SACS: variants seen among roughly 807,000 people sequenced by gnomAD.
SACS encodes the protein sacsin molecular chaperone.
A neutral mutation model predicts 348.0 loss-of-function variants in SACS; 197 were observed. The observed-to-expected ratio is 0.57, with a 90% CI of 0.50 to 0.64. SACS has a LOEUF of 0.64. Among genes scored for constraint, SACS ranks in the 30% least tolerant of loss-of-function variants. The probability of loss-of-function intolerance (pLI) is 0.00; values close to 1 mark genes in which losing one functional copy is unlikely to be tolerated. For synonymous variants in SACS, 1,985 were observed against 1,910.6 expected, an observed-to-expected ratio of 1.04 and a Z score of -1.02; for missense variants, 4,999 against 5,360.8, an observed-to-expected ratio of 0.93 and a Z score of 2.11.
At chr13:23,380,805 G>A (rs774865792) in intron 2 of SACS, among the ~76,000 whole-genome samples, 12 of 152,128 alleles carry the variant, frequency 7.9e-5, no homozygotes, top group South Asian at 2.1e-4. Flanking sequence ...AGTTATTGAC[G>A]TAACAGAGAG....
At chr13:23,383,915 C>T (rs1410004815) in intron 2 of SACS, among the ~76,000 whole-genome samples, 1 of 152,164 alleles carries the variant, frequency 6.6e-6, no homozygotes, top group Non-Finnish European at 1.5e-5. Context: ...CAGTGCCTGG[C>T]ACAGAACCCA....
At chr13:23,361,278 T>A (rs978813620) in intron 6 of SACS, among the ~76,000 whole-genome samples, 1 of 152,164 alleles carries the variant, frequency 6.6e-6, no homozygotes, top group African/African-American at 2.4e-5. Flanking sequence ...AGAATCTAGT[T>A]ATCATTTAAT....
intron 1 of SACS, among the ~76,000 whole-genome samples, chr13:23,433,404 C>G (rs78802149): frequency 0.022 from 3,352 of 152,282 alleles, 55 homozygotes; most frequent in Non-Finnish European, 0.031. Context: ...AGCTGTACAG[C>G]ACGCTGAAGG....
At chr13:23,422,803 G>A (rs567076325) in intron 1 of SACS, among the ~76,000 whole-genome samples, 1 of 152,232 alleles carries the variant, frequency 6.6e-6, no homozygotes, top group African/African-American at 2.4e-5. Flanking sequence ...ATAACTGAAA[G>A]AAACCTGTGT....
intron 1 of SACS, among the ~76,000 whole-genome samples, chr13:23,430,959 T>C (rs1874411983): frequency 6.6e-6 from 1 of 152,088 alleles, no homozygotes; most frequent in Non-Finnish European, 1.5e-5. Context: ...GAGCTCAGAG[T>C]TCAGTCTGAG....
Position 23,332,542 on chromosome 13 carries a change from T to G in SACS, c.11334A>C (p.Glu3778Asp). Residue 3778 changes from glutamate (E) to aspartate (D), a missense_variant, in exon 10 of 10, where the codon GAA (glutamate) becomes GAC (aspartate). By Grantham distance (45) the Glu-to-Asp change is conservative (BLOSUM62 2). Transcript: ENST00000382292. ...TRAKVLRSIYEFLSAEKREFR... is the reference protein window; with the variant it reads ...TRAKVLRSIYDFLSAEKREFR... ...ATTCCCTTTTTTCTGCACTGAGGAA[T>G]TCATATATGCTCCTTAAGACTTTTG... 1.9e-6 allele frequency: 3 copies of G among 1,613,978 alleles called. No homozygotes were observed. The highest frequency in any genetic ancestry group is 2.5e-6 in the Non-Finnish European group (3 of 1,179,916).
At position 23,339,898 on chromosome 13, in the gene SACS, C is replaced by T; in HGVS notation, c.3978G>A (p.Glu1326=). Residue 1326 remains glutamate (E), a synonymous_variant, in exon 10 of 10, where the codon GAG becomes GAA. Transcript: ENST00000382292. ...CCATGGAAATATGATCTGATGTCAA[C>T]TCCTCTATTGAACCACAGACCTTAA... ...QLFKVCGSIE[E]LTSDHISMVI... 6.2e-7 allele frequency: 1 copy of T among 1,614,026 alleles called. No homozygotes were observed. Among genetic ancestry groups the T allele is most frequent in the Non-Finnish European group, 8.5e-7 (1 of 1,179,964 alleles).
At chr13:23,369,133 T>C (rs756313964) in intron 4 of SACS, among the ~76,000 whole-genome samples, 2 of 152,242 alleles carry the variant, frequency 1.3e-5, no homozygotes, top group Non-Finnish European at 2.9e-5. Flanking sequence ...AAATAAATGA[T>C]GTTATTTTGT....
chr13:23,332,827 A>G lies in SACS; in HGVS notation c.11049T>C (p.Asn3683=), dbSNP rs773770705. Residue 3683 remains asparagine, a synonymous_variant, in exon 10 of 10, where the codon AAT becomes AAC. Coordinates refer to ENST00000382292, the MANE Select transcript of SACS (RefSeq NM_014363.6). ...VNGTLPLIKF[N]GAQVNPKFKQ... is the part of the protein sequence containing the mutation. ...TGAATTTTGGATTTACCTGTGCTCC[A>G]TTGAACTTTATAAGAGGAAGTGTTC... 3.3e-5 allele frequency: 54 copies of G among 1,613,848 alleles called. 2 individuals are homozygous for G. In the South Asian group the frequency reaches 5.4e-4, roughly 16 times the overall value.
chr13:23,389,705 T>C (rs1391055521), intron 2 of SACS, among the ~76,000 whole-genome samples: 2 of 152,226 alleles, frequency 1.3e-5, no homozygotes, highest in Non-Finnish European at 2.9e-5. Context: ...GAAGGACACA[T>C]TTGCTTCCAT....
intron 2 of SACS, among the ~76,000 whole-genome samples, chr13:23,405,082 A>G (rs1873147613): frequency 6.6e-6 from 1 of 152,192 alleles, no homozygotes; most frequent in Admixed American, 6.5e-5. Flanking sequence ...ATGGAACCAA[A>G]AAAGAGCCCG....
intron 2 of SACS, among the ~76,000 whole-genome samples, chr13:23,405,288 C>G (rs1466591276): frequency 6.6e-6 from 1 of 152,120 alleles, no homozygotes; most frequent in Non-Finnish European, 1.5e-5. Flanking sequence ...TTTGACAAAT[C>G]TGACAAAAAC....
Position 23,340,972 on chromosome 13 carries a change from GTC to G in SACS, c.2902_2903del (p.Asp968GlnfsTer2). The G allele has an allele frequency of 1.2e-6, 2 of 1,613,922 alleles. No individual in the cohort carries two copies. Among genetic ancestry groups the G allele is most frequent in the Non-Finnish European group, 1.7e-6 (2 of 1,179,858 alleles). The part of the protein sequence containing the change: ...ADLRLSISVI[D>X]SSDEATIRLA... The stretch of plus-strand genomic sequence containing the variant: ...GACGAATAGTAGCTTCATCACTACT[GTC>G]TATTACTGAAATAGAAAGTCGCAGA... On this transcript the variant is annotated frameshift_variant, in exon 10 of 10. Coordinates refer to ENST00000382292, the MANE Select transcript of SACS (RefSeq NM_014363.6). LOFTEE classifies it high-confidence loss of function.
intron 2 of SACS, among the ~76,000 whole-genome samples, chr13:23,388,117 CG>C (rs1872370373): frequency 6.6e-6 from 1 of 152,080 alleles, no homozygotes; most frequent in African/African-American, 2.4e-5. Flanking sequence ...AAAGAAGAGA[CG>C]TCATTATATC....
chr13:23,387,048 ATAT>A (rs1872316769), intron 2 of SACS, among the ~76,000 whole-genome samples: 1 of 152,208 alleles, frequency 6.6e-6, no homozygotes, highest in Non-Finnish European at 1.5e-5. Flanking sequence ...AATGTTTAAA[ATAT>A]TATGAGAATT....
In SACS at chr13:23,330,330, G is replaced by A. The variant is rs1883384861; in HGVS notation, c.13546C>T (p.Leu4516Phe). The A allele has an allele frequency of 6.2e-7, 1 of 1,614,030 alleles. No individual in the cohort carries two copies. The highest frequency in any genetic ancestry group is 1.7e-5 in the Admixed American group (1 of 60,012). ...AQKIEEYSQQ[L>F]EGLTNDVHTL... is the part of the protein sequence containing the mutation. The stretch of plus-strand genomic sequence containing the variant: ...TGAACATCATTTGTCAGTCCTTCAA[G>A]TTGCTGACTATATTCCTCTATTTTC... The change falls in exon 10 of 10, where the codon CTT becomes TTT. Residue 4516 changes from leucine (L) to phenylalanine (F), a missense_variant. Transcript: ENST00000382292.
intron 6 of SACS, among the ~76,000 whole-genome samples, chr13:23,359,402 TGTAA>T (rs199994598): frequency 0.052 from 7,939 of 152,166 alleles, 270 homozygotes; most frequent in Non-Finnish European, 0.075. Flanking sequence ...ATAATCACCT[TGTAA>T]GTGTTTGAAG....
At chr13:23,357,816 T>C (rs759928394) in intron 7 of SACS, among the ~76,000 whole-genome samples, 4 of 152,214 alleles carry the variant, frequency 2.6e-5, no homozygotes, top group Non-Finnish European at 5.9e-5. Context: ...AAGTAATCTT[T>C]AGAATGCTTA....
chr13:23,363,590 G>A (rs1196927737), intron 6 of SACS, among the ~76,000 whole-genome samples: 5 of 152,074 alleles, frequency 3.3e-5, no homozygotes, highest in African/African-American at 4.8e-5. Flanking sequence ...GCATAAACTC[G>A]CAAAATAATC....
Sources: gnomAD v4.1 joint callset for allele counts (sites outside exome capture counted in the v4.1 genomes callset) on GRCh38, gnomAD v4.1.1 for gene constraint, MANE v1.5 for transcripts, NCBI Gene and HGNC (gene_info 2026-07-23, HGNC 2026-07-21) for gene names.